The following SNX25 variants were observed in gnomAD, a reference collection of about 807,000 sequenced individuals.
SNX25 encodes sorting nexin-25.
SNX25 carries 62 observed loss-of-function variants against 113.7 expected under a neutral mutation model. That is an observed-to-expected ratio of 0.55 (90% CI 0.44 to 0.67). The LOEUF (loss-of-function observed/expected upper bound fraction) is 0.67, where lower values mean the gene tolerates loss of function less well. Ranked by LOEUF, SNX25 falls within the 30% of genes least tolerant of loss-of-function variation. SNX25 has a pLI of 0.00. For missense variants in SNX25, 1,014 were observed against 1,161.0 expected, an observed-to-expected ratio of 0.87 and a Z score of 1.84; for synonymous variants, 421 against 436.2, an observed-to-expected ratio of 0.97 and a Z score of 0.43.
downstream of SNX25, among the ~76,000 whole-genome samples, chr4:185,372,620 T>C (rs1384721558): frequency 6.6e-6 from 1 of 152,320 alleles, no homozygotes; most frequent in Non-Finnish European, 1.5e-5. Context: ...GGTGGGGCTC[T>C]TAAGAGGCGA....
intron 10 of SNX25, among the ~76,000 whole-genome samples, chr4:185,335,316 T>TCACACACACACACA (rs3047486): frequency 4.3e-5 from 6 of 140,806 alleles, no homozygotes; most frequent in Admixed American, 3.6e-4. Flanking sequence ...TGAAAAAGTC[T>TCACACACACACACA]CACACACACA....
At chr4:185,216,575 A>C (rs1312991660) in intron 1 of SNX25, among the ~76,000 whole-genome samples, 1 of 133,816 alleles carries the variant, frequency 7.5e-6, no homozygotes, top group Non-Finnish European at 1.5e-5. Context: ...GCTGGAGTGC[A>C]GTGGCACAAT....
At chr4:185,275,829 A>T (rs1749592386) in intron 5 of SNX25, among the ~76,000 whole-genome samples, 1 of 152,212 alleles carries the variant, frequency 6.6e-6, no homozygotes, top group Non-Finnish European at 1.5e-5. Context: ...GGACAAGGAG[A>T]TGAAAAATCA....
chr4:185,250,988 T>C (rs538290403), intron 2 of SNX25, among the ~76,000 whole-genome samples: 35 of 152,166 alleles, frequency 2.3e-4, no homozygotes, highest in African/African-American at 8.4e-4. Flanking sequence ...AGTTCAATAA[T>C]GTTTTGTTGT....
At chr4:185,313,948 T>A (rs1291862059) in intron 7 of SNX25, among the ~76,000 whole-genome samples, 3 of 152,106 alleles carry the variant, frequency 2.0e-5, no homozygotes, top group Non-Finnish European at 4.4e-5. Context: ...GAGAAAATAT[T>A]TTTACTACTC....
intron 5 of SNX25, among the ~76,000 whole-genome samples, chr4:185,278,155 G>A (rs1285339917): frequency 2.0e-5 from 3 of 152,136 alleles, no homozygotes; most frequent in Non-Finnish European, 4.4e-5. Flanking sequence ...CAAGCCTCAG[G>A]GCTGGCTCCT....
chr4:185,358,030 T>G (rs1445211863), intron 16 of SNX25, among the ~76,000 whole-genome samples: 2 of 152,050 alleles, frequency 1.3e-5, no homozygotes, highest in African/African-American at 4.8e-5. Context: ...TGACGACGAG[T>G]TTGAGTATCT....
intron 6 of SNX25, among the ~76,000 whole-genome samples, chr4:185,292,318 G>C (rs1038881294): frequency 7.9e-5 from 12 of 152,158 alleles, no homozygotes; most frequent in African/African-American, 2.9e-4. Context: ...ACTTGGCTGA[G>C]TGTAGTGACT....
At chr4:185,308,851 G>A (rs1754853240) in intron 6 of SNX25, among the ~76,000 whole-genome samples, 1 of 152,136 alleles carries the variant, frequency 6.6e-6, no homozygotes, top group Non-Finnish European at 1.5e-5. Flanking sequence ...TCCCAGAGCT[G>A]AATGTTTCCG....
At chr4:185,289,565 C>A (rs117760419) in intron 6 of SNX25, among the ~76,000 whole-genome samples, 3 of 152,154 alleles carry the variant, frequency 2.0e-5, no homozygotes, top group Non-Finnish European at 4.4e-5. Flanking sequence ...CACAAAGGCC[C>A]AACTGGTACT....
chr4:185,239,814 G>A (rs1233905701), intron 1 of SNX25, among the ~76,000 whole-genome samples: 15 of 131,528 alleles, frequency 1.1e-4, no homozygotes, highest in South Asian at 9.4e-4. Context: ...GGTGTTTCTC[G>A]CAGAGGGGGA....
intron 7 of SNX25, among the ~76,000 whole-genome samples, chr4:185,319,513 C>CTTTTTTTTTT (rs61536964): frequency 7.0e-6 from 1 of 142,956 alleles, no homozygotes; most frequent in Non-Finnish European, 1.5e-5. Context: ...AAAGTCCATT[C>CTTTTTTTTTT]TTTTTTTTTT....
chr4:185,260,182 TCTTA>T (rs1387854412), intron 3 of SNX25, among the ~76,000 whole-genome samples: 4 of 133,120 alleles, frequency 3.0e-5, no homozygotes, highest in African/African-American at 1.0e-4. Flanking sequence ...AATTTTATTT[TCTTA>T]CTTAAAAGAA....
At chr4:185,374,230 T>C (rs187773900), downstream of SNX25, 2 of 1,614,206 alleles carry the variant, frequency 1.2e-6, no homozygotes, top group Admixed American at 3.3e-5. Flanking sequence ...TCTGCTGCGA[T>C]AAGCCACAGT....
At chr4:185,230,392 A>T (rs1367450886) in intron 1 of SNX25, among the ~76,000 whole-genome samples, 1 of 139,792 alleles carries the variant, frequency 7.2e-6, no homozygotes, top group African/African-American at 2.7e-5. Flanking sequence ...AGGAATCATA[A>T]TTTTTTTTTT....
At chr4:185,279,439 C>T (rs1750245558) in intron 5 of SNX25, among the ~76,000 whole-genome samples, 1 of 152,130 alleles carries the variant, frequency 6.6e-6, no homozygotes, top group East Asian at 1.9e-4. Context: ...CCTTCTGCAA[C>T]ACTAAAAAGA....
rs79872455 is a variant in SNX25 at position 185,313,035 on chromosome 4, T to C, written c.1344+2219T>C. Reference sequence around the variant, plus strand: ...GTCTTCATGAGTGGGAAGAAAACTTTTGCTATGACCTAATCATATGTGATC... The same window carrying C: ...GTCTTCATGAGTGGGAAGAAAACTTCTGCTATGACCTAATCATATGTGATC... On this transcript the variant is annotated intron_variant, in intron 7 of 18. Transcript: ENST00000652585. Among the ~76,000 whole-genome samples the C allele has an allele frequency of 6.2e-3, 944 of 152,324 alleles. 16 individuals carry two copies. The highest frequency in any genetic ancestry group is 0.05 in the South Asian group (240 of 4,826).
Position 185,341,976 on chromosome 4 carries a change from G to A in SNX25, c.2047G>A (p.Val683Ile). Residue 683 changes from valine (V) to isoleucine (I), a missense_variant and splice_region_variant, in exon 12 of 19, where the codon GTT (valine) becomes ATT (isoleucine). Val to Ile is a conservative substitution (Grantham distance 29, BLOSUM62 3). Transcript: ENST00000652585. Reference protein sequence around the residue: ...MWKASITSGEVTEENGEQLPC... With the variant: ...MWKASITSGEITEENGEQLPC... ...TATCGATTTTGATGTTTTCCCCAAGGTTACAGAAGAGAATGGTGAGCAATT... is the reference window on the plus strand; with the variant it reads ...TATCGATTTTGATGTTTTCCCCAAGATTACAGAAGAGAATGGTGAGCAATT... 6.3e-7 allele frequency: 1 copy of A among 1,584,428 alleles called. No homozygotes were observed.
chr4:185,221,837 C>T (rs545771384), intron 1 of SNX25, among the ~76,000 whole-genome samples: 42 of 152,172 alleles, frequency 2.8e-4, no homozygotes, highest in South Asian at 6.2e-4. Context: ...TAGTTAACTT[C>T]TCTTTCTTTA....
Sources: allele counts gnomAD v4.1 joint callset (sites outside exome capture counted in the v4.1 genomes callset), GRCh38; gene constraint gnomAD v4.1.1; transcripts MANE v1.5; gene names NCBI Gene and HGNC (gene_info 2026-07-23, HGNC 2026-07-21).